Variants in LCOR observed in about 807,000 individuals in gnomAD.
LCOR encodes the protein ligand dependent nuclear receptor corepressor.
LCOR carries 14 observed loss-of-function variants against 64.4 expected under a neutral mutation model. That is an observed-to-expected ratio of 0.22 (90% CI 0.14 to 0.34). The LOEUF is 0.34. LCOR is among the 10% of genes least tolerant of loss of function. The pLI is 1.00. For synonymous variants in LCOR, 643 were observed against 642.5 expected, an observed-to-expected ratio of 1.00 and a Z score of -0.01; for missense variants, 1,686 against 1,765.3, an observed-to-expected ratio of 0.96 and a Z score of 0.80.
At chr10:96,916,824 G>A (rs1292783553) in intron 4 of LCOR, among the ~76,000 whole-genome samples, 3 of 151,794 alleles carry the variant, frequency 2.0e-5, no homozygotes, top group African/African-American at 4.8e-5. Flanking sequence ...CATGTTGGTC[G>A]GGCTGGTCTT....
At chr10:96,976,222 C>T (rs1430562858) in intron 7 of LCOR, among the ~76,000 whole-genome samples, 1 of 152,080 alleles carries the variant, frequency 6.6e-6, no homozygotes, top group Non-Finnish European at 1.5e-5. Flanking sequence ...CTGGAGGTTG[C>T]CATTTGCAGT....
intron 2 of LCOR, among the ~76,000 whole-genome samples, chr10:96,866,220 C>T (rs913056700): frequency 2.9e-4 from 44 of 152,274 alleles, no homozygotes; most frequent in African/African-American, 9.6e-4. Context: ...GTTGTACACC[C>T]GTTACATGAT....
In LCOR at chr10:96,994,902, T is replaced by G. The variant is rs896572903; in HGVS notation, c.*9768T>G. The G allele has an allele frequency of 6.6e-6, 1 of 152,236 alleles. No individual in the cohort carries two copies. Among genetic ancestry groups the G allele is most frequent in the Admixed American group, 6.5e-5 (1 of 15,280 alleles). The allele number at this position is 152,236 out of a possible 1,614,324, so 9.4% of individuals were successfully genotyped here. A position where few individuals can be genotyped will look rare whatever the true frequency, so the allele number is the denominator to read the frequency against. On this transcript the variant is annotated 3_prime_UTR_variant, in exon 8 of 8. Coordinates refer to ENST00000421806, the MANE Select transcript of LCOR (RefSeq NM_001346516.2). ...GCAGGCATTGGTCATCTTTGTAAAC[T>G]CATGGCATTATTTCCTCATATGCAT...
intron 2 of LCOR, among the ~76,000 whole-genome samples, chr10:96,839,359 G>T (rs1845499493): frequency 6.6e-6 from 1 of 152,156 alleles, no homozygotes; most frequent in South Asian, 2.1e-4. Context: ...AAGCTAAACT[G>T]CAGGATACCT....
At chr10:96,899,199 A>G (rs1846592345) in intron 2 of LCOR, among the ~76,000 whole-genome samples, 2 of 152,138 alleles carry the variant, frequency 1.3e-5, no homozygotes. Context: ...TTTGGTGATA[A>G]TATGAAGTAG....
At chr10:96,958,208 C>T in intron 7 of LCOR, 1 of 1,286,592 alleles carries the variant, frequency 7.8e-7, no homozygotes, top group Admixed American at 3.5e-5. Context: ...TGCTTTTATC[C>T]CCTCTCAGAA....
At chr10:96,907,646 TA>T in intron 3 of LCOR, 21 bp from the exon 4 acceptor site, 1 of 894,222 alleles carries the variant, frequency 1.1e-6, no homozygotes, top group Non-Finnish European at 1.3e-6. Flanking sequence ...TTATGACTAT[TA>T]ATTTGTTACT....
At chr10:96,858,097 C>T (rs985320662) in intron 2 of LCOR, among the ~76,000 whole-genome samples, 9 of 152,162 alleles carry the variant, frequency 5.9e-5, no homozygotes, top group Admixed American at 5.9e-4. Context: ...ATGACTTTAA[C>T]ACAGTGATTT....
chr10:96,873,592 G>A (rs1423550419), intron 2 of LCOR, among the ~76,000 whole-genome samples: 7 of 149,152 alleles, frequency 4.7e-5, no homozygotes, highest in African/African-American at 1.5e-4. Context: ...GTGTGTGTGT[G>A]TGTGTGTGTG....
chr10:96,862,508 C>A (rs911185480), intron 2 of LCOR, among the ~76,000 whole-genome samples: 2 of 151,960 alleles, frequency 1.3e-5, no homozygotes, highest in South Asian at 4.2e-4. Flanking sequence ...TCAGGTGATC[C>A]GCCCGCCTCA....
chr10:96,900,878 T>C (rs576838122), intron 2 of LCOR, among the ~76,000 whole-genome samples: 1 of 151,826 alleles, frequency 6.6e-6, no homozygotes, highest in Non-Finnish European at 1.5e-5. Flanking sequence ...TTTTTTTTTT[T>C]TTCTTTTTTC....
chr10:96,962,610 AT>A (rs1342919722), intron 7 of LCOR: 1 of 152,178 alleles, frequency 6.6e-6, no homozygotes, highest in Non-Finnish European at 1.5e-5. Flanking sequence ...ACTAGTCAAA[AT>A]TAGTTACATT....
rs540448658 is a variant in LCOR at position 96,973,454 on chromosome 10, G to C, written c.333-7339G>C. On this transcript the variant is annotated intron_variant, in intron 7 of 7. Transcript: ENST00000421806. ...TAGCCAAGAGTAGATAAATTTCTCC[G>C]TGTAGAGCAAGGACTTGTCAGCAGA... Among the ~76,000 whole-genome samples the C allele has an allele frequency of 1.2e-4, 18 of 152,290 alleles. No homozygotes were observed. The South Asian group carries it at 3.7e-3, about 32-fold the overall frequency.
intron 6 of LCOR, 123 bp from the exon 7 acceptor site, chr10:96,951,980 A>C: frequency 1.6e-6 from 1 of 628,022 alleles, no homozygotes; most frequent in East Asian, 2.7e-5. Context: ...TAACTCAAAT[A>C]TATGACTAGC....
intron 2 of LCOR, among the ~76,000 whole-genome samples, chr10:96,875,240 C>G (rs923695902): frequency 6.6e-6 from 1 of 151,742 alleles, no homozygotes; most frequent in Non-Finnish European, 1.5e-5. Flanking sequence ...AAAAGTTAGC[C>G]GAGCGTGGTG....
intron 5 of LCOR, 84 bp from the exon 6 acceptor site, chr10:96,948,920 AAAAT>A: frequency 2.9e-6 from 3 of 1,044,764 alleles, no homozygotes; most frequent in Non-Finnish European, 4.1e-6. Context: ...CATTTTAAGA[AAAAT>A]AAAATGAAAT....
At chr10:96,857,123 C>G (rs1845819386) in intron 2 of LCOR, among the ~76,000 whole-genome samples, 1 of 151,806 alleles carries the variant, frequency 6.6e-6, no homozygotes, top group Non-Finnish European at 1.5e-5. Context: ...ATATTTGAAT[C>G]TTGCAGAGTT....
intron 7 of LCOR, chr10:96,957,899 A>G (rs1564638619): frequency 1.0e-6 from 1 of 986,256 alleles, no homozygotes; most frequent in Non-Finnish European, 1.2e-6. Flanking sequence ...TTCTTAACAG[A>G]AAAAACAGTT....
Position 96,981,354 on chromosome 10 carries a change from C to G in LCOR, c.894C>G (p.Asp298Glu). The change falls in exon 8 of 8, where the codon GAC (aspartate) becomes GAG (glutamate). Residue 298 changes from aspartate (D) to glutamate (E), a missense_variant. By Grantham distance (45) the Asp-to-Glu change is conservative (BLOSUM62 2). Around this residue, in one of 3 missense-constraint regions of LCOR, gnomAD observed 313 missense variants for 247.2 expected, o/e 1.27. Transcript: ENST00000421806. Reference sequence around the variant, plus strand: ...GGCAGACCACTGGACAAGAGCAAGACACAAATGTGAACATATGTGAGGATG... The same window carrying G: ...GGCAGACCACTGGACAAGAGCAAGAGACAAATGTGAACATATGTGAGGATG... ...LEGQTTGQEQ[D>E]TNVNICEDGK... 2 of 1,613,846 alleles carry G rather than the reference C, an allele frequency of 1.2e-6. No individual in the cohort carries two copies. Among genetic ancestry groups the G allele is most frequent in the Non-Finnish European group, 1.7e-6 (2 of 1,179,960 alleles).
Sources: allele counts gnomAD v4.1 joint callset (sites outside exome capture counted in the v4.1 genomes callset), GRCh38; gene constraint gnomAD v4.1.1; regional missense constraint gnomAD v4.1.1; transcripts MANE v1.5; gene names NCBI Gene and HGNC (gene_info 2026-07-23, HGNC 2026-07-21).